POMGNT1: variants seen among roughly 807,000 people sequenced by gnomAD.
POMGNT1 encodes the protein protein O-linked mannose N-acetylglucosaminyltransferase 1 (beta 1,2-).
In POMGNT1, 67 loss-of-function variants were observed where a neutral mutation model predicts 95.6. The observed-to-expected ratio is 0.70, with a 90% CI of 0.58 to 0.86. The LOEUF is 0.86. Ranked by LOEUF, POMGNT1 falls within the 40% of genes least tolerant of loss-of-function variation. The probability of loss-of-function intolerance (pLI) is 0.00; values close to 1 mark genes in which losing one functional copy is unlikely to be tolerated. For missense variants in POMGNT1, 719 were observed against 855.2 expected, an observed-to-expected ratio of 0.84 and a Z score of 1.99; for synonymous variants, 298 against 317.9, an observed-to-expected ratio of 0.94 and a Z score of 0.66.
chr1:46,206,891 CAG>C (rs372167693), intron 1 of POMGNT1, among the ~76,000 whole-genome samples: 6 of 152,150 alleles, frequency 3.9e-5, no homozygotes, highest in African/African-American at 1.4e-4. Context: ...AAGGAGGAGA[CAG>C]AAGAACATTT....
chr1:46,220,214 C>T (rs761145314), exon 1 of POMGNT1: 20 of 1,604,082 alleles, frequency 1.2e-5, no homozygotes, highest in Middle Eastern at 3.3e-4. Context: ...ATGTGACCTT[C>T]TTGTAACAAC....
rs146776996 is a variant in POMGNT1 at position 46,189,816 on chromosome 1, G to A, written c.1785+38C>T. On this transcript the variant is annotated intron_variant, in intron 20 of 21. Transcript: ENST00000371984. ...ATCTTGGGGCAGTATGTGTGTGAGG[G>A]GGAGGGGTTCTCCAGGGTGGGCATG... is the stretch of plus-strand genomic sequence containing the variant. 8.7e-6 allele frequency: 14 copies of A among 1,612,652 alleles called. No individual in the cohort carries two copies. The Middle Eastern group carries it at 5.2e-4, about 60-fold the overall frequency.
rs759578024 is a variant in POMGNT1 at position 46,189,299 on chromosome 1, C to G, written c.1954G>C (p.Gly652Arg). The change falls in exon 22 of 22, where the codon GGA (glycine) becomes CGA (arginine). Residue 652 changes from glycine to arginine, a missense_variant. Physicochemically the swap from Gly to Arg is moderately radical, Grantham distance 125. Coordinates refer to ENST00000371984, the MANE Select transcript of POMGNT1 (RefSeq NM_017739.4). ...IFLEPPPKEE[G>R]APGAPEQT ...GTCTGTTCTGGGGCTCCTGGGGCTC[C>G]CTCCTCCTTTGGGGGTGGCTCCAGG... is the stretch of plus-strand genomic sequence containing the variant. 6.2e-7 allele frequency: 1 copy of G among 1,613,794 alleles called. No individual in the cohort carries two copies. Among genetic ancestry groups the G allele is most frequent in the Non-Finnish European group, 8.5e-7 (1 of 1,179,966 alleles).
In POMGNT1 at chr1:46,192,926, G is replaced by C. The variant is rs754942463; in HGVS notation, c.1185C>G (p.Asp395Glu). The change falls in exon 14 of 22, where the codon GAC becomes GAG. Residue 395 changes from aspartate to glutamate, a missense_variant. Asp to Glu is a conservative substitution (Grantham distance 45). This residue lies in a region of POMGNT1 where 3 missense variants were observed against 17.3 expected (regional missense o/e 0.17). Transcript: ENST00000371984. ...EAKFAVVLEE[D>E]LDIAVDFFSF... ...TGAAAAAATCCACAGCAATGTCCAG[G>C]TCCTCTTCCAGAACCACAGCAAACT... The C allele has an allele frequency of 6.2e-7, 1 of 1,614,112 alleles. No homozygotes were observed. Among genetic ancestry groups the C allele is most frequent in the Non-Finnish European group, 8.5e-7 (1 of 1,180,022 alleles).
In POMGNT1 at chr1:46,193,400, G is replaced by A. The variant is rs902647599; in HGVS notation, c.1027-12C>T. ...ACATCCATGGGTTCCTGGGGGACAT[G>A]GCCACTGCTCACCATGTGAGGTCAC... On this transcript the variant is annotated splice_polypyrimidine_tract_variant and intron_variant, in intron 11 of 21. Coordinates refer to ENST00000371984, the MANE Select transcript of POMGNT1 (RefSeq NM_017739.4). The A allele has an allele frequency of 6.2e-7, 1 of 1,610,276 alleles. No individual in the cohort carries two copies. The highest frequency in any genetic ancestry group is 8.5e-7 in the Non-Finnish European group (1 of 1,178,160).
intron 1 of POMGNT1, among the ~76,000 whole-genome samples, chr1:46,210,392 C>A (rs888896264): frequency 6.6e-6 from 1 of 152,076 alleles, no homozygotes; most frequent in Non-Finnish European, 1.5e-5. Flanking sequence ...GCAGCAGATA[C>A]CAGCTGGGTG....
Position 46,196,781 on chromosome 1 carries a change from C to CA in POMGNT1, c.303_304insT (p.Glu102Ter), listed in dbSNP as rs1557677834. ...ACTTTGCTGCGACTTGAATACACCT[C>CA]TACGTCCAGGACCCGCCGGGGACCA... On this transcript the variant is annotated frameshift_variant, in exon 4 of 22. Transcript: ENST00000371984. LOFTEE classifies it high-confidence loss of function. The surrounding 1 kb of genome is among the most constrained non-coding windows in gnomAD (Gnocchi z 4.4). 3.1e-6 allele frequency: 5 copies of CA among 1,614,222 alleles called. No homozygotes were observed. The South Asian group carries it at 5.5e-5, about 18-fold the overall frequency.
At chr1:46,203,479 A>C in intron 1 of POMGNT1, 1 of 1,524,048 alleles carries the variant, frequency 6.6e-7, no homozygotes, top group Non-Finnish European at 8.8e-7. Context: ...GTGGAGGGTA[A>C]GGTGGGCAGG....
Position 46,190,780 on chromosome 1 carries a change from GC to G in POMGNT1, c.1543del (p.Ala515ProfsTer22). On this transcript the variant is annotated frameshift_variant, in exon 18 of 22. Coordinates refer to ENST00000371984, the MANE Select transcript of POMGNT1 (RefSeq NM_017739.4). LOFTEE classifies it high-confidence loss of function. ...GLNMNGYFHE[A>X]YFKKHKFNTV... ...GTTGAACTTGTGCTTCTTGAAGTAGGCCTCCTGGAGTGGGTATGAGAGTGAA... is the reference window on the plus strand; with the variant it reads ...GTTGAACTTGTGCTTCTTGAAGTAGGCTCCTGGAGTGGGTATGAGAGTGAA... 6.2e-7 allele frequency: 1 copy of G among 1,612,586 alleles called. No individual in the cohort carries two copies. Among genetic ancestry groups the G allele is most frequent in the Non-Finnish European group, 8.5e-7 (1 of 1,178,620 alleles).
Position 46,194,837 on chromosome 1 carries a change from C to G in POMGNT1, c.652+7G>C. The stretch of plus-strand genomic sequence containing the variant: ...ACTACAGAGTGGATGGCCTCTGATG[C>G]CGGCACCTCCTTTTCGTCCCACGAA... On this transcript the variant is annotated splice_region_variant and intron_variant, in intron 7 of 21. Coordinates refer to ENST00000371984, the MANE Select transcript of POMGNT1 (RefSeq NM_017739.4). 6.2e-7 allele frequency: 1 copy of G among 1,614,106 alleles called. No homozygotes were observed. Among genetic ancestry groups the G allele is most frequent in the Non-Finnish European group, 8.5e-7 (1 of 1,179,966 alleles).
Position 46,190,482 on chromosome 1 carries a change from C to T in POMGNT1, c.1640G>A (p.Arg547Lys). The T allele has an allele frequency of 6.2e-7, 1 of 1,604,380 alleles. No individual in the cohort carries two copies. The highest frequency in any genetic ancestry group is 8.5e-7 in the Non-Finnish European group (1 of 1,171,024). Reference protein sequence around the residue: ...KKEAYEVEVHRLLSEAEVLDH... With the variant: ...KKEAYEVEVHKLLSEAEVLDH... ...TTGTCCTAGGCCATACCTGAGCAGC[C>T]TGTGAACTTCCACTTCATAAGCTTC... The change falls in exon 19 of 22, where the codon AGG (arginine) becomes AAG (lysine). Residue 547 changes from arginine (R) to lysine (K), a missense_variant. This residue lies in a region of POMGNT1 where 130 missense variants were observed against 149.2 expected (regional missense o/e 0.87). Transcript: ENST00000371984.
intron 1 of POMGNT1, among the ~76,000 whole-genome samples, chr1:46,211,776 T>TA (rs1276146079): frequency 1.8e-4 from 27 of 152,272 alleles, no homozygotes; most frequent in African/African-American, 4.3e-4. Context: ...TATATATATA[T>TA]TTTTTTGAGA....
intron 1 of POMGNT1, among the ~76,000 whole-genome samples, chr1:46,212,351 G>A (rs986779643): frequency 1.3e-5 from 2 of 150,936 alleles, no homozygotes; most frequent in African/African-American, 4.9e-5. Flanking sequence ...CGCGATCTCA[G>A]CTCACTGCAA....
Position 46,189,360 on chromosome 1 carries a change from G to T in POMGNT1, c.1896-3C>A, listed in dbSNP as rs1448053668. The T allele has an allele frequency of 6.2e-7, 1 of 1,613,858 alleles. No homozygotes were observed. Among genetic ancestry groups the T allele is most frequent in the Non-Finnish European group, 8.5e-7 (1 of 1,180,022 alleles). ...TGACTGAGGGTGGCTTCTTCACTCT[G>T]GGAAAATAATACAAGAATGTATAGA... On this transcript the variant is annotated splice_region_variant and splice_polypyrimidine_tract_variant and intron_variant, in intron 21 of 21. Coordinates refer to ENST00000371984, the MANE Select transcript of POMGNT1 (RefSeq NM_017739.4).
rs1011791154 is a variant in POMGNT1 at position 46,211,855 on chromosome 1, C to T, written c.-51+7850G>A. 6.6e-5 allele frequency among the ~76,000 whole-genome samples: 10 copies of T among 150,992 alleles called. 1 individual carries two copies. Among genetic ancestry groups the T allele is most frequent in the East Asian group, 3.9e-4 (2 of 5,092 alleles). On this transcript the variant is annotated intron_variant, in intron 1 of 22. Transcript: ENST00000371992. Reference sequence around the variant, plus strand: ...TCTCGGCTCACTACAACCTCTGCCTCGGTTCAAGTGATTCTCCTGCCTCAG... The same window carrying T: ...TCTCGGCTCACTACAACCTCTGCCTTGGTTCAAGTGATTCTCCTGCCTCAG...
Position 46,189,557 on chromosome 1 carries a change from A to G in POMGNT1, c.1796T>C (p.Ile599Thr). ...GTTGCCACGCACATCCAGGTCCCAG[A>G]TATGGAGGCACTAGTGAGGGTGGGA... ...TWTQLAKCLH[I>T]WDLDVRGNHR... Residue 599 changes from isoleucine to threonine, a missense_variant, in exon 21 of 22, where the codon ATC (isoleucine) becomes ACC (threonine). Physicochemically the swap from Ile to Thr is moderately conservative, Grantham distance 89. Coordinates refer to ENST00000371984, the MANE Select transcript of POMGNT1 (RefSeq NM_017739.4). 3 of 1,611,562 alleles carry G rather than the reference A, an allele frequency of 1.9e-6. No individual in the cohort carries two copies. Among genetic ancestry groups the G allele is most frequent in the Non-Finnish European group, 2.5e-6 (3 of 1,178,834 alleles).
chr1:46,189,027 G>C lies in POMGNT1; in HGVS notation c.*243C>G, dbSNP rs564610096. 5.1e-6 allele frequency: 8 copies of C among 1,575,192 alleles called. No homozygotes were observed. The highest frequency in any genetic ancestry group is 6.9e-6 in the Non-Finnish European group (8 of 1,162,164). ...AGGGCAGGATGAGCTGCTAGGGATCGTAATGATTCCCAGGTACTCTCCTGC... is the reference window on the plus strand; with the variant it reads ...AGGGCAGGATGAGCTGCTAGGGATCCTAATGATTCCCAGGTACTCTCCTGC... On this transcript the variant is annotated 3_prime_UTR_variant, in exon 22 of 22. Coordinates refer to ENST00000371984, the MANE Select transcript of POMGNT1 (RefSeq NM_017739.4).
intron 1 of POMGNT1, among the ~76,000 whole-genome samples, chr1:46,208,725 C>G (rs1216265299): frequency 6.6e-6 from 1 of 152,104 alleles, no homozygotes; most frequent in East Asian, 1.9e-4. Flanking sequence ...CCTGTAATCC[C>G]AGCTACTAGG....
chr1:46,196,980 C>T lies in POMGNT1; in HGVS notation c.225G>A (p.Glu75=), dbSNP rs2148218728. 6 of 1,614,246 alleles carry T rather than the reference C, an allele frequency of 3.7e-6. No individual in the cohort carries two copies. Among genetic ancestry groups the T allele is most frequent in the Non-Finnish European group, 5.1e-6 (6 of 1,180,036 alleles). ...TTAGCCTAGCCCTACCATAGTCTTG[C>T]TCTGGCTCTGGGTCTTCATTGGCTT... ...ISEANEDPEP[E]QDYDEALGRL... The change falls in exon 3 of 22, where the codon GAG becomes GAA. Residue 75 remains glutamate, a synonymous_variant. Transcript: ENST00000371984. This position sits in a 1 kb window ranked among gnomAD's most constrained non-coding sequence, Gnocchi z 4.4.
Sources: allele counts gnomAD v4.1 joint callset (sites outside exome capture counted in the v4.1 genomes callset), GRCh38; gene constraint gnomAD v4.1.1; regional missense constraint gnomAD v4.1.1; non-coding constraint Gnocchi (gnomAD v3.1); transcripts MANE v1.5; gene names NCBI Gene and HGNC (gene_info 2026-07-23, HGNC 2026-07-21).